The following UBR1 variants were observed in gnomAD, a reference collection of about 807,000 sequenced individuals.
The protein encoded by UBR1 is ubiquitin protein ligase E3 component n-recognin 1, also known as E3 ubiquitin-protein ligase UBR1.
UBR1 carries 102 observed loss-of-function variants against 242.1 expected under a neutral mutation model. That is an observed-to-expected ratio of 0.42 (90% confidence interval 0.36 to 0.50). The LOEUF (loss-of-function observed/expected upper bound fraction) is 0.50. UBR1 is among the 20% of genes least tolerant of loss of function. The pLI is 0.01. For synonymous variants in UBR1, 675 were observed against 684.8 expected (o/e 0.99, Z 0.22); for missense variants, 1,772 against 2,101.8 (o/e 0.84, Z 3.07).
At chr15:43,090,557 G>C (rs984397353) in intron 1 of UBR1, among the ~76,000 whole-genome samples, 1 of 151,470 alleles carries the variant, frequency 6.6e-6, no homozygotes, top group Non-Finnish European at 1.5e-5. Flanking sequence ...AACTAACATA[G>C]AGATAATATC....
At chr15:42,975,688 G>GT (rs945248790) in intron 39 of UBR1, among the ~76,000 whole-genome samples, 17 of 148,672 alleles carry the variant, frequency 1.1e-4, no homozygotes, top group East Asian at 3.9e-4. Context: ...TTTGCTTTGG[G>GT]TTTTTTTTTT....
chr15:43,065,933 G>A (rs1464140950), intron 6 of UBR1, among the ~76,000 whole-genome samples: 5 of 152,130 alleles, frequency 3.3e-5, no homozygotes, highest in Non-Finnish European at 7.4e-5. Flanking sequence ...TCACTCTGAT[G>A]ATAGTTTCTT....
chr15:43,007,390 A>G, intron 29 of UBR1, 106 bp from the exon 30 acceptor site: 1 of 991,346 alleles, frequency 1.0e-6, no homozygotes, highest in East Asian at 2.6e-5. Flanking sequence ...GAAAGATAAT[A>G]AAAATAAAAA....
At chr15:43,077,270 A>G (rs1479142745) in intron 3 of UBR1, among the ~76,000 whole-genome samples, 1 of 151,962 alleles carries the variant, frequency 6.6e-6, no homozygotes, top group Non-Finnish European at 1.5e-5. Context: ...TGTGGATGGA[A>G]GTAGACATGG....
At chr15:42,963,138 G>A (rs2032049561) in intron 42 of UBR1, among the ~76,000 whole-genome samples, 1 of 152,144 alleles carries the variant, frequency 6.6e-6, no homozygotes, top group Non-Finnish European at 1.5e-5. Context: ...AATTCATTTT[G>A]ATCACGCTAG....
At chr15:42,968,075 G>A (rs956426775) in intron 40 of UBR1, among the ~76,000 whole-genome samples, 1 of 152,028 alleles carries the variant, frequency 6.6e-6, no homozygotes, top group African/African-American at 2.4e-5. Context: ...GCCTTAACCT[G>A]TAACTACATG....
At chr15:42,992,048 A>G (rs1347161440) in intron 33 of UBR1, among the ~76,000 whole-genome samples, 1 of 152,152 alleles carries the variant, frequency 6.6e-6, no homozygotes, top group African/African-American at 2.4e-5. Flanking sequence ...CACTGTGCTC[A>G]GCCTTCTAGT....
chr15:42,988,593 T>C, intron 35 of UBR1: 1 of 523,048 alleles, frequency 1.9e-6, no homozygotes, highest in South Asian at 2.3e-5. Context: ...TTTAAAAATA[T>C]TTTTTTTAAC....
chr15:42,968,552 A>T (rs2032149591), intron 40 of UBR1, among the ~76,000 whole-genome samples: 1 of 151,960 alleles, frequency 6.6e-6, no homozygotes. Flanking sequence ...TATTATTATT[A>T]TGCACGTGCA....
chr15:43,042,974 G>A (rs912039871), intron 15 of UBR1, among the ~76,000 whole-genome samples: 5 of 152,054 alleles, frequency 3.3e-5, no homozygotes, highest in African/African-American at 1.2e-4. Context: ...TAGTCCTTAA[G>A]TATATACTCT....
rs572309656 is a variant in UBR1, at chr15:43,095,714, G to T, written c.82-9474C>A. The stretch of plus-strand genomic sequence containing the variant: ...AATATTTTGTGTTAGGTCATCTGAG[G>T]CAAGGGGTTAAAAGCTTAAGGAAAA... On this transcript the variant is annotated intron_variant, in intron 1 of 46. Transcript: ENST00000290650. Among the ~76,000 whole-genome samples, 46 of 152,264 alleles carry T rather than the reference G, an allele frequency of 3.0e-4. No homozygotes were observed. In the South Asian group the frequency reaches 8.1e-3, roughly 27 times the overall value.
chr15:42,944,158 A>G lies in UBR1; in HGVS notation c.*1171T>C, dbSNP rs180754438. On this transcript the variant is annotated 3_prime_UTR_variant, in exon 47 of 47. Transcript: ENST00000290650. Reference sequence around the variant, plus strand: ...ACGTAAGTTAAAATGGAAGGTTTCCATTTATCTTCTGCTGTTTTATATCAC... The same window carrying G: ...ACGTAAGTTAAAATGGAAGGTTTCCGTTTATCTTCTGCTGTTTTATATCAC... The G allele has an allele frequency of 2.8e-4, 43 of 152,574 alleles. No homozygotes were observed. Among genetic ancestry groups the G allele is most frequent in the African/African-American group, 9.9e-4 (41 of 41,584 alleles). The allele number at this position is 152,574 out of a possible 1,614,324, so 9.5% of individuals were successfully genotyped here.
intron 5 of UBR1, among the ~76,000 whole-genome samples, chr15:43,069,104 G>GC (rs1255141527): frequency 3.9e-5 from 6 of 152,074 alleles, no homozygotes. Context: ...AGACTTAAGC[G>GC]CCAGCACTGC....
At chr15:43,059,680 GA>G in intron 8 of UBR1, 21 bp downstream of exon 8, 5 of 1,609,678 alleles carry the variant, frequency 3.1e-6, no homozygotes, top group Non-Finnish European at 4.2e-6. Flanking sequence ...TCAGAAACAA[GA>G]AAAACAGGAG....
At chr15:42,991,078 C>T (rs1298467544) in intron 33 of UBR1, among the ~76,000 whole-genome samples, 1 of 151,758 alleles carries the variant, frequency 6.6e-6, no homozygotes, top group Non-Finnish European at 1.5e-5. Context: ...AGTTCAAAAC[C>T]AGCCTGGCCA....
At chr15:43,071,505 G>A (rs530208555) in intron 4 of UBR1, among the ~76,000 whole-genome samples, 1 of 152,228 alleles carries the variant, frequency 6.6e-6, no homozygotes, top group Admixed American at 6.5e-5. Flanking sequence ...GTCACAAGAT[G>A]AAAAAGTTCT....
chr15:43,076,900 T>TG (rs1460224692), intron 3 of UBR1, among the ~76,000 whole-genome samples: 5 of 51,000 alleles, frequency 9.8e-5, no homozygotes, highest in African/African-American at 1.5e-4. Flanking sequence ...GGGAGGGAGG[T>TG]GGGGGGGTCA....
intron 29 of UBR1, among the ~76,000 whole-genome samples, chr15:43,014,752 T>TCAGC (rs2032986194): frequency 1.9e-5 from 2 of 104,134 alleles, no homozygotes; most frequent in Admixed American, 1.0e-4. Flanking sequence ...GTGAGGACCG[T>TCAGC]CTCCGCCCGG....
chr15:42,960,782 T>A, intron 42 of UBR1, 81 bp from the exon 43 acceptor site: 1 of 1,444,512 alleles, frequency 6.9e-7, no homozygotes. Flanking sequence ...TTCTCTTTTT[T>A]TTTTGAGATG....
Sources: gnomAD v4.1 joint callset for allele counts (sites outside exome capture counted in the v4.1 genomes callset) on GRCh38, gnomAD v4.1.1 for gene constraint, MANE v1.5 for transcripts, NCBI Gene and HGNC (gene_info 2026-07-23, HGNC 2026-07-21) for gene names.